TSPAN18: variants seen among roughly 807,000 people sequenced by gnomAD.
TSPAN18 encodes the protein tetraspanin 18.
TSPAN18 carries 14 observed loss-of-function variants against 27.3 expected under a neutral mutation model. The observed-to-expected ratio is 0.51, with a 90% CI of 0.34 to 0.80. The LOEUF is 0.80. TSPAN18 is among the 30% of genes least tolerant of loss of function. The pLI is 0.01. For missense variants in TSPAN18, 268 were observed against 323.9 expected (o/e 0.83, Z 1.32); for synonymous variants, 143 against 136.5 (o/e 1.05, Z -0.33).
chr11:44,728,987 C>T (rs1445875882), intron 1 of TSPAN18, among the ~76,000 whole-genome samples: 1 of 152,204 alleles, frequency 6.6e-6, no homozygotes, highest in Non-Finnish European at 1.5e-5. Flanking sequence ...GGGCAGCCCC[C>T]CTCCTGCTCC....
intron 2 of TSPAN18, among the ~76,000 whole-genome samples, chr11:44,811,536 T>C (rs1341036908): frequency 2.6e-5 from 4 of 151,892 alleles, no homozygotes; most frequent in Non-Finnish European, 4.4e-5. Context: ...CTCGGCTCAC[T>C]GCAAACTCCA....
At chr11:44,744,663 G>T (rs911502004) in intron 1 of TSPAN18, among the ~76,000 whole-genome samples, 1 of 152,206 alleles carries the variant, frequency 6.6e-6, no homozygotes, top group African/African-American at 2.4e-5. Flanking sequence ...TTCACAGCTA[G>T]CTTTGCAGGG....
At chr11:44,817,926 A>G (rs1470930028) in intron 2 of TSPAN18, among the ~76,000 whole-genome samples, 2 of 152,200 alleles carry the variant, frequency 1.3e-5, no homozygotes, top group Admixed American at 1.3e-4. Context: ...CAGCTGGACA[A>G]CAGTCCTCAG....
chr11:44,784,057 CCCTTGGGAT>C (rs1856001115), intron 2 of TSPAN18, among the ~76,000 whole-genome samples: 1 of 152,188 alleles, frequency 6.6e-6, no homozygotes, highest in Non-Finnish European at 1.5e-5. Context: ...AGAATCCCAT[CCCTTGGGAT>C]TCTTGACTTG....
intron 3 of TSPAN18, among the ~76,000 whole-genome samples, chr11:44,872,129 C>T (rs1858213403): frequency 6.6e-6 from 1 of 152,030 alleles, no homozygotes; most frequent in African/African-American, 2.4e-5. Context: ...CAGGGTTTCG[C>T]CATGTTGTCC....
intron 1 of TSPAN18, among the ~76,000 whole-genome samples, chr11:44,741,826 G>A (rs1473611534): frequency 1.3e-5 from 2 of 152,214 alleles, no homozygotes; most frequent in African/African-American, 4.8e-5. Context: ...AAGATCAAGT[G>A]CCTAGCCTGG....
chr11:44,730,682 G>T (rs1384117052), intron 1 of TSPAN18, among the ~76,000 whole-genome samples: 1 of 151,214 alleles, frequency 6.6e-6, no homozygotes, highest in Non-Finnish European at 1.5e-5. Flanking sequence ...GGAGTGCAGT[G>T]GTGCGATCTT....
chr11:44,883,390 T>G (rs1238333429), intron 3 of TSPAN18, among the ~76,000 whole-genome samples: 2 of 152,166 alleles, frequency 1.3e-5, no homozygotes, highest in Non-Finnish European at 2.9e-5. Context: ...ACAGTGGCCC[T>G]CGGTAGATAG....
At chr11:44,815,304 G>A (rs766715550) in intron 2 of TSPAN18, among the ~76,000 whole-genome samples, 3 of 152,202 alleles carry the variant, frequency 2.0e-5, no homozygotes, top group Non-Finnish European at 4.4e-5. Context: ...ATCTTGTGTC[G>A]AAACAAGGGA....
chr11:44,904,297 C>T (rs993788926), intron 3 of TSPAN18, among the ~76,000 whole-genome samples: 6 of 152,220 alleles, frequency 3.9e-5, no homozygotes, highest in African/African-American at 1.2e-4. Flanking sequence ...CCCTGCTCAG[C>T]ATTTTTCCAA....
At chr11:44,832,177 C>T (rs1012198145) in intron 2 of TSPAN18, among the ~76,000 whole-genome samples, 1 of 152,192 alleles carries the variant, frequency 6.6e-6, no homozygotes, top group Non-Finnish European at 1.5e-5. Context: ...GGCGACATCG[C>T]TCGACCCCAG....
At chr11:44,909,542 C>T (rs1859628697) in intron 4 of TSPAN18, 163 bp from the exon 5 acceptor site, 12 of 624,536 alleles carry the variant, frequency 1.9e-5, no homozygotes, top group East Asian at 1.1e-4. Context: ...ATTCAAGGTG[C>T]GGCTGGGACT....
intron 1 of TSPAN18, among the ~76,000 whole-genome samples, chr11:44,743,949 G>T (rs1239651575): frequency 6.6e-6 from 1 of 152,088 alleles, no homozygotes; most frequent in Non-Finnish European, 1.5e-5. Context: ...GGAATTTTTA[G>T]ATATTTTATT....
At chr11:44,877,246 G>T (rs1371195572) in intron 3 of TSPAN18, among the ~76,000 whole-genome samples, 4 of 152,248 alleles carry the variant, frequency 2.6e-5, no homozygotes, top group Admixed American at 2.6e-4. Flanking sequence ...GGAGCCCGAT[G>T]ACATTGTGAA....
At position 44,870,859 on chromosome 11, in the gene TSPAN18, G is replaced by T. The variant is rs141966500; in HGVS notation, c.-11+10390G>T. Reference sequence around the variant, plus strand: ...GGGGACTACTCATCTTTGTATTGGGGTTCACTCTGTCTTATGTTAATGACT... The same window carrying T: ...GGGGACTACTCATCTTTGTATTGGGTTTCACTCTGTCTTATGTTAATGACT... On this transcript the variant is annotated intron_variant, in intron 3 of 9. Transcript: ENST00000520358. Among the ~76,000 whole-genome samples the T allele has an allele frequency of 4.0e-3, 604 of 152,272 alleles. 5 individuals carry two copies. The highest frequency in any genetic ancestry group is 0.013 in the African/African-American group (560 of 41,548).
chr11:44,845,293 C>T (rs1042692357), intron 2 of TSPAN18, among the ~76,000 whole-genome samples: 2 of 152,212 alleles, frequency 1.3e-5, no homozygotes, highest in Non-Finnish European at 2.9e-5. Context: ...CCTCAGTGTC[C>T]TCATCTGTAA....
chr11:44,820,598 A>G (rs960030553), intron 2 of TSPAN18, among the ~76,000 whole-genome samples: 10 of 152,218 alleles, frequency 6.6e-5, no homozygotes, highest in South Asian at 2.1e-4. Flanking sequence ...ATCCTCATCC[A>G]TAAAATGATA....
In TSPAN18 at chr11:44,926,760, A is replaced by G; in HGVS notation, c.699+3A>G. On this transcript the variant is annotated splice_donor_region_variant and intron_variant, in intron 9 of 9. Transcript: ENST00000520358. ...CCATCGGGGTACTGGCCATCGAGGTAAGTAAAGGCCCCCACTTCTGCCGCT... is the reference window on the plus strand; with the variant it reads ...CCATCGGGGTACTGGCCATCGAGGTGAGTAAAGGCCCCCACTTCTGCCGCT... The G allele has an allele frequency of 6.2e-7, 1 of 1,614,092 alleles. No homozygotes were observed. Among genetic ancestry groups the G allele is most frequent in the Non-Finnish European group, 8.5e-7 (1 of 1,179,958 alleles).
intron 2 of TSPAN18, among the ~76,000 whole-genome samples, chr11:44,817,927 C>G (rs1025675885): frequency 6.6e-6 from 1 of 152,216 alleles, no homozygotes; most frequent in Non-Finnish European, 1.5e-5. Flanking sequence ...AGCTGGACAA[C>G]AGTCCTCAGT....
Sources: allele counts gnomAD v4.1 joint callset (sites outside exome capture counted in the v4.1 genomes callset), GRCh38; gene constraint gnomAD v4.1.1; transcripts MANE v1.5; gene names NCBI Gene and HGNC (gene_info 2026-07-23, HGNC 2026-07-21).